The following ZHX2 variants were observed in gnomAD, a reference collection of about 807,000 sequenced individuals.
ZHX2 encodes zinc fingers and homeoboxes protein 2.
Under a neutral mutation model 21.9 loss-of-function variants are expected in ZHX2, and 6 were observed. The ratio of observed to expected loss-of-function variants is 0.27; its 90% CI spans 0.15 to 0.54. The LOEUF is 0.54. Ranked by LOEUF, ZHX2 falls within the 20% of genes least tolerant of loss-of-function variation. ZHX2 has a pLI of 0.95. For synonymous variants in ZHX2, 434 were observed against 437.1 expected, an observed-to-expected ratio of 0.99 and a Z score of 0.09; for missense variants, 908 against 1,090.7, an observed-to-expected ratio of 0.83 and a Z score of 2.36.
At chr8:122,820,630 C>A (rs984953393) in intron 1 of ZHX2, among the ~76,000 whole-genome samples, 2 of 152,078 alleles carry the variant, frequency 1.3e-5, no homozygotes, top group Non-Finnish European at 2.9e-5. Context: ...AGTCACCAGA[C>A]GACGGGGCTG....
chr8:122,937,933 G>GTTTTTTTTTTTTTTTTTT lies in ZHX2; in HGVS notation c.-219-13355_-219-13338dup, dbSNP rs71310636. On this transcript the variant is annotated intron_variant, in intron 2 of 3. Transcript: ENST00000314393. The stretch of plus-strand genomic sequence containing the variant: ...ATTATGTTTCCTGGTTTTCTTTTTG[G>GTTTTTTTTTTTTTTTTTT]TTTTTTTTTTTTTTTTTTTTTGAGA... 2.5e-4 allele frequency among the ~76,000 whole-genome samples: 18 copies of GTTTTTTTTTTTTTTTTTT among 73,378 alleles called. 1 individual carries two copies. Among genetic ancestry groups the GTTTTTTTTTTTTTTTTTT allele is most frequent in the Admixed American group, 9.6e-4 (4 of 4,176 alleles). The allele number at this position is 73,378 out of a possible 152,430, so 48.1% of individuals were successfully genotyped here.
intron 1 of ZHX2, among the ~76,000 whole-genome samples, chr8:122,808,373 A>G (rs990845808): frequency 2.0e-5 from 3 of 152,210 alleles, no homozygotes; most frequent in Non-Finnish European, 2.9e-5. Context: ...ACGTACAATC[A>G]TGGGTGGAAG....
At chr8:122,821,671 TG>T (rs1255670262) in intron 1 of ZHX2, among the ~76,000 whole-genome samples, 2 of 151,034 alleles carry the variant, frequency 1.3e-5, no homozygotes, top group Non-Finnish European at 3.0e-5. Flanking sequence ...TGACACACAG[TG>T]ATGCTACAGG....
rs149126268 is a variant in ZHX2, at chr8:122,835,798, C to T, written c.-282-27679C>T. On this transcript the variant is annotated intron_variant, in intron 1 of 3. Coordinates refer to ENST00000314393, the MANE Select transcript of ZHX2 (RefSeq NM_014943.5). ...AAAGGCCTGGACATAAGGAACTTCT[C>T]ATTTCTTCAGTTGTCAGCAATAATT... is the stretch of plus-strand genomic sequence containing the variant. Among the ~76,000 whole-genome samples, 116 of 152,306 alleles carry T rather than the reference C, an allele frequency of 7.6e-4. 1 individual carries two copies. The East Asian group carries it at 0.022, about 29-fold the overall frequency.
chr8:122,951,252 T>C, intron 2 of ZHX2, 40 bp from the exon 3 acceptor site: 1 of 451,026 alleles, frequency 2.2e-6, no homozygotes, highest in South Asian at 3.2e-5. Context: ...TCTTTTGCGT[T>C]GTGAAGAGAC....
intron 2 of ZHX2, among the ~76,000 whole-genome samples, chr8:122,914,779 T>C (rs1256204835): frequency 2.6e-5 from 4 of 152,236 alleles, no homozygotes; most frequent in Non-Finnish European, 4.4e-5. Context: ...ATCTCCTTCT[T>C]GGACTTTTCT....
At chr8:122,881,543 G>A (rs75283665) in intron 2 of ZHX2, among the ~76,000 whole-genome samples, 192 of 152,258 alleles carry the variant, frequency 1.3e-3, no homozygotes, top group African/African-American at 4.1e-3. Context: ...CATAGGAACC[G>A]TTTGGTAAAT....
chr8:122,937,959 C>T (rs75588536), intron 2 of ZHX2, among the ~76,000 whole-genome samples: 1,199 of 14,018 alleles, frequency 0.086, 30 homozygotes, highest in East Asian at 0.35. Context: ...TTTTTTGAGA[C>T]GGAGTCTGGC....
At chr8:122,934,475 G>A (rs919768524) in intron 2 of ZHX2, among the ~76,000 whole-genome samples, 7 of 152,150 alleles carry the variant, frequency 4.6e-5, no homozygotes, top group Middle Eastern at 3.2e-3. Context: ...AAATCTTGTG[G>A]TTGACCTTGA....
At chr8:122,873,983 G>T (rs899539696) in intron 2 of ZHX2, among the ~76,000 whole-genome samples, 1 of 152,136 alleles carries the variant, frequency 6.6e-6, no homozygotes, top group Non-Finnish European at 1.5e-5. Flanking sequence ...TGATTACCTT[G>T]TGCCTACCCT....
intron 2 of ZHX2, among the ~76,000 whole-genome samples, chr8:122,868,946 G>C (rs1563761180): frequency 6.6e-6 from 1 of 152,200 alleles, no homozygotes; most frequent in African/African-American, 2.4e-5. Flanking sequence ...CCTGATCACA[G>C]AAGCCGAGAC....
intron 1 of ZHX2, among the ~76,000 whole-genome samples, chr8:122,805,162 T>C (rs1461914999): frequency 7.7e-6 from 1 of 130,484 alleles, no homozygotes; most frequent in Non-Finnish European, 1.7e-5. Context: ...TGGGTGGGGG[T>C]GGGGGTGGGG....
chr8:122,952,662 G>T lies in ZHX2; in HGVS notation c.1152G>T (p.Gly384=). 1 of 1,614,160 alleles carries T rather than the reference G, an allele frequency of 6.2e-7. No homozygotes were observed. Among genetic ancestry groups the T allele is most frequent in the South Asian group, 1.1e-5 (1 of 91,088 alleles). The part of the protein sequence containing the change: ...TSLVLTQVTS[G]STTVSCSPIT... ...TGGTGCTGACTCAGGTGACCAGCGGGTCAACAACCGTCTCTTGCTCCCCCA... is the reference window on the plus strand; with the variant it reads ...TGGTGCTGACTCAGGTGACCAGCGGTTCAACAACCGTCTCTTGCTCCCCCA... The change falls in exon 3 of 4, where the codon GGG becomes GGT. Residue 384 remains glycine, a synonymous_variant. Transcript: ENST00000314393. This position sits in a 1 kb window ranked among gnomAD's most constrained non-coding sequence, Gnocchi z 6.9.
At chr8:122,832,543 G>A (rs1049065104) in intron 1 of ZHX2, among the ~76,000 whole-genome samples, 1 of 152,202 alleles carries the variant, frequency 6.6e-6, no homozygotes, top group African/African-American at 2.4e-5. Flanking sequence ...CGGGGGCTGA[G>A]GTGAGAGCCT....
rs540333833 is a variant in ZHX2 at position 122,955,839 on chromosome 8, A to ATTTTTTTTTTTTTTTTT, written c.*4+1818_*4+1834dup. On this transcript the variant is annotated intron_variant, in intron 3 of 3. Coordinates refer to ENST00000314393, the MANE Select transcript of ZHX2 (RefSeq NM_014943.5). ...CCTCCCTCATTAAAATGAGGGAGTG[A>ATTTTTTTTTTTTTTTTT]TTTTTTTTTTTTTTTTTTTTTTTGA... is the stretch of plus-strand genomic sequence containing the variant. Among the ~76,000 whole-genome samples the ATTTTTTTTTTTTTTTTT allele has an allele frequency of 6.0e-4, 63 of 104,902 alleles. 2 individuals carry two copies. The highest frequency in any genetic ancestry group is 9.3e-4 in the East Asian group (3 of 3,218). The allele number at this position is 104,902 out of a possible 152,430, so 68.8% of individuals were successfully genotyped here.
intron 2 of ZHX2, among the ~76,000 whole-genome samples, chr8:122,904,463 C>T (rs1279235470): frequency 6.6e-6 from 1 of 152,108 alleles, no homozygotes; most frequent in East Asian, 1.9e-4. Flanking sequence ...GTAACCTGGC[C>T]TTATCCACTC....
intron 1 of ZHX2, among the ~76,000 whole-genome samples, chr8:122,829,361 T>C (rs1479112489): frequency 6.6e-6 from 1 of 152,242 alleles, no homozygotes; most frequent in Non-Finnish European, 1.5e-5. Flanking sequence ...AAACAAGGCT[T>C]GTTAACTTTT....
chr8:122,908,462 G>A (rs146511650), intron 2 of ZHX2, among the ~76,000 whole-genome samples: 4,602 of 152,004 alleles, frequency 0.03, 206 homozygotes, highest in African/African-American at 0.11. Flanking sequence ...CACCCACCTC[G>A]GCCTCCCAAA....
intron 2 of ZHX2, among the ~76,000 whole-genome samples, chr8:122,889,372 C>A (rs1378809873): frequency 6.6e-6 from 1 of 152,198 alleles, no homozygotes; most frequent in Non-Finnish European, 1.5e-5. Context: ...CATTTCCCTG[C>A]ATCCTCACCA....
Sources: allele counts gnomAD v4.1 joint callset (sites outside exome capture counted in the v4.1 genomes callset), GRCh38; gene constraint gnomAD v4.1.1; non-coding constraint Gnocchi (gnomAD v3.1); transcripts MANE v1.5; gene names NCBI Gene and HGNC (gene_info 2026-07-23, HGNC 2026-07-21).